SGSM2: variants seen among roughly 807,000 people sequenced by gnomAD.
The protein encoded by SGSM2 is RUN and TBC1 domain containing 1.
In SGSM2, 89 loss-of-function variants were observed where a neutral mutation model predicts 126.6. The observed-to-expected ratio is 0.70, with a 90% CI of 0.59 to 0.84. The LOEUF (loss-of-function observed/expected upper bound fraction) is 0.84. Ranked by LOEUF, SGSM2 falls within the 40% of genes least tolerant of loss-of-function variation. The probability of loss-of-function intolerance (pLI) is 0.00; values close to 1 mark genes in which losing one functional copy is unlikely to be tolerated. For missense variants in SGSM2, 1,404 were observed against 1,416.6 expected (o/e 0.99, Z 0.14); for synonymous variants, 614 against 574.3 (o/e 1.07, Z -0.99).
intron 12 of SGSM2, among the ~76,000 whole-genome samples, chr17:2,369,301 C>T (rs1389988756): frequency 2.6e-5 from 4 of 152,192 alleles, no homozygotes; most frequent in African/African-American, 9.7e-5. Context: ...CTCCCTCTTC[C>T]TCTCCCCTTC....
chr17:2,358,873 G>GTTTTTTTTTTTT (rs759581510), intron 2 of SGSM2, among the ~76,000 whole-genome samples: 3 of 88,214 alleles, frequency 3.4e-5, no homozygotes, highest in African/African-American at 4.6e-5. Context: ...TGTTGTTGTT[G>GTTTTTTTTTTTT]TTTTTTTTTT....
At chr17:2,373,188 A>G in intron 16 of SGSM2, 107 bp downstream of exon 16, 1 of 1,552,610 alleles carries the variant, frequency 6.4e-7, no homozygotes, top group South Asian at 1.2e-5. Context: ...GGAAAGAAGC[A>G]TGGCAGGGCA....
intron 21 of SGSM2, 66 bp downstream of exon 21, chr17:2,377,134 G>A (rs2066204365): frequency 1.3e-5 from 12 of 935,278 alleles, no homozygotes; most frequent in Non-Finnish European, 2.0e-5. Flanking sequence ...CGTCCACATG[G>A]CTAGGGAGCA....
chr17:2,358,546 C>A (rs550674104), intron 2 of SGSM2, among the ~76,000 whole-genome samples: 1 of 152,104 alleles, frequency 6.6e-6, no homozygotes, highest in Non-Finnish European at 1.5e-5. Flanking sequence ...TCAGTCTCTA[C>A]AAAAAATTTT....
In SGSM2 at chr17:2,367,428, G is replaced by T; in HGVS notation, c.1423+23G>T. ...AAGGTTCTTATCCCTCCCTCTCCCTGACCCACCTCATCCCCACCCTCCCTC... is the reference window on the plus strand; with the variant it reads ...AAGGTTCTTATCCCTCCCTCTCCCTTACCCACCTCATCCCCACCCTCCCTC... On this transcript the variant is annotated intron_variant, in intron 12 of 23. Transcript: ENST00000268989. This position sits in a 1 kb window ranked among gnomAD's most constrained non-coding sequence, Gnocchi z 4.0. 1 of 1,605,800 alleles carries T rather than the reference G, an allele frequency of 6.2e-7. No individual in the cohort carries two copies. Among genetic ancestry groups the T allele is most frequent in the South Asian group, 1.1e-5 (1 of 90,628 alleles).
intron 12 of SGSM2, among the ~76,000 whole-genome samples, chr17:2,369,009 G>A (rs2065730502): frequency 6.6e-6 from 1 of 152,224 alleles, no homozygotes; most frequent in Non-Finnish European, 1.5e-5. Context: ...CAGGGGTCCA[G>A]AGGCCTCAGG....
rs778042750 is a variant in SGSM2, at chr17:2,362,848, G to A, written c.469G>A (p.Glu157Lys). The A allele has an allele frequency of 3.6e-5, 58 of 1,613,932 alleles. No individual in the cohort carries two copies. Among genetic ancestry groups the A allele is most frequent in the Non-Finnish European group, 4.6e-5 (54 of 1,180,032 alleles). ...TCTGTCTCCTGGCAGCAAGTACTAC[G>A]AGAAGGAGGCACTGCTGGCAGACCC... ...YLAENCSKYY[E>K]KEALLADPVF... is the part of the protein sequence containing the mutation. Residue 157 changes from glutamate to lysine, a missense_variant, in exon 5 of 24, where the codon GAG (glutamate) becomes AAG (lysine). Glu to Lys is a moderately conservative substitution (Grantham distance 56). Transcript: ENST00000268989. This position sits in a 1 kb window ranked among gnomAD's most constrained non-coding sequence, Gnocchi z 4.9.
In SGSM2 at chr17:2,337,906, G is replaced by C. The variant is rs940749856; in HGVS notation, c.57+161G>C. Among the ~76,000 whole-genome samples, 5 of 151,910 alleles carry C rather than the reference G, an allele frequency of 3.3e-5. No homozygotes were observed. Among genetic ancestry groups the C allele is most frequent in the African/African-American group, 1.2e-4 (5 of 41,396 alleles). On this transcript the variant is annotated intron_variant, in intron 1 of 23. Transcript: ENST00000268989. This position sits in a 1 kb window ranked among gnomAD's most constrained non-coding sequence, Gnocchi z 5.1. ...TGCGCCTCCTTCCCCTTTCTCGGAT[G>C]GGGGAGGGCAGCGCCCCTCTGCCCG...
chr17:2,372,492 C>T lies in SGSM2; in HGVS notation c.1788+4C>T. On this transcript the variant is annotated splice_donor_region_variant and intron_variant, in intron 15 of 23. Transcript: ENST00000268989. The surrounding 1 kb of genome is among the most constrained non-coding windows in gnomAD (Gnocchi z 6.0). The stretch of plus-strand genomic sequence containing the variant: ...CAAGTATCAGAAGGACAAAAAGGTG[C>T]CAACCCTGGGGTTCCAGGGCCACAG... The T allele has an allele frequency of 1.3e-6, 2 of 1,596,404 alleles. No individual in the cohort carries two copies. Among genetic ancestry groups the T allele is most frequent in the Non-Finnish European group, 1.7e-6 (2 of 1,174,970 alleles).
In SGSM2 at chr17:2,373,484, A is replaced by G. The variant is rs754774776; in HGVS notation, c.2071A>G (p.Ile691Val). 4.4e-6 allele frequency: 7 copies of G among 1,604,146 alleles called. No homozygotes were observed. In the African/African-American group the frequency reaches 9.4e-5, roughly 22 times the overall value. The part of the protein sequence containing the change: ...SSIDSHVQRL[I>V]HRDSTISNDV... ...CATCGACAGCCACGTGCAGCGCCTC[A>G]TCCACCGAGACTCCACCATCAGCAA... The change falls in exon 17 of 24, where the codon ATC (isoleucine) becomes GTC (valine). Residue 691 changes from isoleucine (I) to valine (V), a missense_variant. By Grantham distance (29) the Ile-to-Val change is conservative (BLOSUM62 3). Transcript: ENST00000268989.
At chr17:2,349,335 G>T (rs943473097) in intron 2 of SGSM2, among the ~76,000 whole-genome samples, 15 of 151,744 alleles carry the variant, frequency 9.9e-5, no homozygotes, top group African/African-American at 3.1e-4. Flanking sequence ...AGATTGTGCT[G>T]CTGCACTCCA....
rs148773746 is a variant in SGSM2, at chr17:2,364,429, G to A, written c.933-167G>A. On this transcript the variant is annotated intron_variant, in intron 8 of 23. Transcript: ENST00000268989. ...TGAGACGGACAGCTGTCCATGTGCCGAGCGGGCAGCACAGATCTCAGGGGT... is the reference window on the plus strand; with the variant it reads ...TGAGACGGACAGCTGTCCATGTGCCAAGCGGGCAGCACAGATCTCAGGGGT... 4.9e-4 allele frequency: 409 copies of A among 831,468 alleles called. No homozygotes were observed. The African/African-American group carries it at 5.9e-3, about 12-fold the overall frequency. The allele number at this position is 831,468 out of a possible 1,614,324, so 51.5% of individuals were successfully genotyped here.
chr17:2,377,118 G>T (rs1381728268), intron 21 of SGSM2, 50 bp downstream of exon 21: 1 of 1,158,104 alleles, frequency 8.6e-7, no homozygotes, highest in South Asian at 1.3e-5. Flanking sequence ...TGCTGGGCTG[G>T]TCCATCGTCC....
intron 11 of SGSM2, 136 bp downstream of exon 11, chr17:2,365,477 C>T: frequency 1.9e-6 from 2 of 1,057,504 alleles, no homozygotes; most frequent in South Asian, 1.7e-5. Context: ...ATCGCCTAGC[C>T]TCTCAGCTGG....
Position 2,372,821 on chromosome 17 carries a change from A to G in SGSM2, c.1789-132A>G, listed in dbSNP as rs561012562. The G allele has an allele frequency of 4.6e-6, 6 of 1,292,604 alleles. No individual in the cohort carries two copies. Among genetic ancestry groups the G allele is most frequent in the Non-Finnish European group, 6.3e-6 (6 of 955,014 alleles). The allele number at this position is 1,292,604 out of a possible 1,614,324, so 80.1% of individuals were successfully genotyped here. On this transcript the variant is annotated intron_variant, in intron 15 of 23. Coordinates refer to ENST00000268989, the MANE Select transcript of SGSM2 (RefSeq NM_014853.3). This position sits in a 1 kb window ranked among gnomAD's most constrained non-coding sequence, Gnocchi z 6.0. ...GGCACGGGAGGACGTGGCCACCCCA[A>G]AGCAGGCCTTGCCTGGGCTTCAGCA...
In SGSM2 at chr17:2,362,263, A is replaced by G; in HGVS notation, c.451A>G (p.Asn151Asp). 1 of 1,609,510 alleles carries G rather than the reference A, an allele frequency of 6.2e-7. No homozygotes were observed. Among genetic ancestry groups the G allele is most frequent in the Non-Finnish European group, 8.5e-7 (1 of 1,178,284 alleles). Residue 151 changes from asparagine (N) to aspartate (D), a missense_variant, in exon 4 of 24, where the codon AAC becomes GAC. Coordinates refer to ENST00000268989, the MANE Select transcript of SGSM2 (RefSeq NM_014853.3). This position sits in a 1 kb window ranked among gnomAD's most constrained non-coding sequence, Gnocchi z 4.9. ...CAAGGTCGTGCAATACCTGGCGGAA[A>G]ACTGCAGGTGACCGCCCCGTTCCCC... ...LDKVVQYLAE[N>D]CSKYYEKEAL...
At chr17:2,358,509 G>T (rs2065172387) in intron 2 of SGSM2, among the ~76,000 whole-genome samples, 3 of 152,146 alleles carry the variant, frequency 2.0e-5, no homozygotes, top group Admixed American at 2.0e-4. Context: ...AGGCATTGGA[G>T]ACCAGCCTAG....
chr17:2,358,907 C>T (rs191451146), intron 2 of SGSM2, among the ~76,000 whole-genome samples: 2 of 134,834 alleles, frequency 1.5e-5, no homozygotes, highest in Admixed American at 8.3e-5. Flanking sequence ...GACAAAGTCT[C>T]GCTGTGTTCC....
intron 21 of SGSM2, 139 bp downstream of exon 21, chr17:2,377,207 A>G: frequency 1.6e-6 from 1 of 625,430 alleles, no homozygotes; most frequent in Non-Finnish European, 2.7e-6. Flanking sequence ...TGGTTTCAGC[A>G]GGGCAACGTG....
Sources: gnomAD v4.1 joint callset for allele counts (sites outside exome capture counted in the v4.1 genomes callset) on GRCh38, gnomAD v4.1.1 for gene constraint, Gnocchi (gnomAD v3.1) non-coding constraint, MANE v1.5 for transcripts, NCBI Gene and HGNC (gene_info 2026-07-23, HGNC 2026-07-21) for gene names.